CNTN5: variants seen among roughly 807,000 people sequenced by gnomAD.
CNTN5 encodes the protein contactin 5, also known as contactin-5.
CNTN5 carries 77 observed loss-of-function variants against 129.1 expected under a neutral mutation model. That is an observed-to-expected ratio of 0.60 (90% confidence interval 0.50 to 0.72). The LOEUF is 0.72. Ranked by LOEUF, CNTN5 falls within the 30% of genes least tolerant of loss-of-function variation. The pLI is 0.00. For synonymous variants in CNTN5, 509 were observed against 465.6 expected, an observed-to-expected ratio of 1.09 and a Z score of -1.20; for missense variants, 1,478 against 1,328.8, an observed-to-expected ratio of 1.11 and a Z score of -1.75.
chr11:100,071,268 A>AAAGGGATTG (rs1295733791), intron 11 of CNTN5, among the ~76,000 whole-genome samples: 1 of 152,098 alleles, frequency 6.6e-6, no homozygotes, highest in East Asian at 1.9e-4. Context: ...TCCATATAGT[A>AAAGGGATTG]AAGGGATTGT....
intron 2 of CNTN5, among the ~76,000 whole-genome samples, chr11:99,471,753 C>T (rs1945183506): frequency 6.6e-6 from 1 of 151,902 alleles, no homozygotes; most frequent in South Asian, 2.1e-4. Context: ...TTGTGTTCTT[C>T]AATAGCATTT....
intron 2 of CNTN5, among the ~76,000 whole-genome samples, chr11:99,345,854 G>A (rs1368124181): frequency 2.0e-5 from 3 of 152,002 alleles, no homozygotes; most frequent in Non-Finnish European, 4.4e-5. Context: ...ATTAAAAATT[G>A]ATTGTATTTT....
intron 9 of CNTN5, among the ~76,000 whole-genome samples, chr11:100,038,494 C>T (rs1229262024): frequency 6.6e-6 from 1 of 152,160 alleles, no homozygotes; most frequent in Non-Finnish European, 1.5e-5. Flanking sequence ...CTGCTTGGTG[C>T]AGAGCTGAGT....
intron 1 of CNTN5, among the ~76,000 whole-genome samples, chr11:99,149,410 G>T (rs1476592465): frequency 3.9e-5 from 6 of 152,186 alleles, no homozygotes; most frequent in Non-Finnish European, 7.4e-5. Context: ...TCAAAGAAAA[G>T]AATCTTTATA....
intron 3 of CNTN5, among the ~76,000 whole-genome samples, chr11:99,753,828 C>T (rs531804792): frequency 3.4e-4 from 51 of 150,800 alleles, no homozygotes; most frequent in African/African-American, 1.2e-3. Context: ...GCTGGGATTA[C>T]AGGTGTGTGC....
intron 4 of CNTN5, among the ~76,000 whole-genome samples, chr11:99,835,587 A>G (rs769625036): frequency 7.2e-5 from 11 of 152,216 alleles, no homozygotes; most frequent in Non-Finnish European, 1.5e-4. Flanking sequence ...CAGCACCCAT[A>G]CAACATAAAT....
intron 2 of CNTN5, among the ~76,000 whole-genome samples, chr11:99,491,881 A>C (rs1178065121): frequency 6.6e-6 from 1 of 152,164 alleles, no homozygotes; most frequent in Non-Finnish European, 1.5e-5. Context: ...TGGTGGTGCA[A>C]GTAGGAATCA....
At chr11:99,890,054 T>C (rs1272686527) in intron 6 of CNTN5, among the ~76,000 whole-genome samples, 2 of 152,226 alleles carry the variant, frequency 1.3e-5, no homozygotes, top group Admixed American at 6.5e-5. Flanking sequence ...TTATTTGTCA[T>C]GGACCAAATA....
intron 13 of CNTN5, among the ~76,000 whole-genome samples, chr11:100,153,773 A>G (rs1030583692): frequency 2.6e-5 from 4 of 152,088 alleles, no homozygotes; most frequent in African/African-American, 9.7e-5. Flanking sequence ...AGAAGCTAAC[A>G]AATAATTTGA....
intron 1 of CNTN5, among the ~76,000 whole-genome samples, chr11:99,058,900 C>T (rs1188064049): frequency 1.3e-5 from 2 of 150,670 alleles, no homozygotes; most frequent in African/African-American, 4.9e-5. Context: ...GAAAGGGAAA[C>T]TGATGGTGGG....
intron 8 of CNTN5, among the ~76,000 whole-genome samples, chr11:99,981,138 T>G (rs1938325127): frequency 8.0e-6 from 1 of 124,750 alleles, no homozygotes; most frequent in African/African-American, 2.8e-5. Context: ...GAGAATTGAT[T>G]AGGGAAATTG....
intron 1 of CNTN5, among the ~76,000 whole-genome samples, chr11:99,145,682 T>C (rs1206445023): frequency 3.3e-5 from 5 of 152,130 alleles, no homozygotes; most frequent in Non-Finnish European, 7.4e-5. Flanking sequence ...TTTTAGTAGG[T>C]AAAAGACATG....
chr11:99,681,746 T>C (rs2134718689), intron 3 of CNTN5, among the ~76,000 whole-genome samples: 1 of 152,160 alleles, frequency 6.6e-6, no homozygotes, highest in South Asian at 2.1e-4. Flanking sequence ...TATAATTTAA[T>C]AAAGCTTTCT....
chr11:99,504,095 T>A lies in CNTN5; in HGVS notation c.-70-52050T>A, dbSNP rs145887885. On this transcript the variant is annotated intron_variant, in intron 2 of 24. Coordinates refer to ENST00000524871, the MANE Select transcript of CNTN5 (RefSeq NM_014361.4). ...ATGTATTTGAATTATAAATCTGTGG[T>A]GAACAGGGGCTGCACAGATTTAAGG... Among the ~76,000 whole-genome samples the A allele has an allele frequency of 1.2e-3, 177 of 152,338 alleles. 1 individual carries two copies. The highest frequency in any genetic ancestry group is 1.8e-3 in the African/African-American group (76 of 41,574).
intron 2 of CNTN5, among the ~76,000 whole-genome samples, chr11:99,509,128 A>T (rs2135405682): frequency 6.6e-6 from 1 of 152,358 alleles, no homozygotes; most frequent in Admixed American, 6.5e-5. Context: ...TTGAATATAA[A>T]TCATCATGTT....
At chr11:99,097,895 A>T (rs1403309637) in intron 1 of CNTN5, among the ~76,000 whole-genome samples, 1 of 152,040 alleles carries the variant, frequency 6.6e-6, no homozygotes, top group South Asian at 2.1e-4. Context: ...AAGTGGTGAG[A>T]TAAGGAAGTA....
At chr11:100,090,427 G>GCCTT (rs202075446) in intron 13 of CNTN5, among the ~76,000 whole-genome samples, 20,128 of 148,400 alleles carry the variant, frequency 0.14, 1,649 homozygotes, top group East Asian at 0.3. Flanking sequence ...TTTTCTGCCT[G>GCCTT]CCTGCCTTCC....
intron 1 of CNTN5, among the ~76,000 whole-genome samples, chr11:99,083,388 A>T (rs1409462130): frequency 2.0e-5 from 3 of 152,204 alleles, no homozygotes; most frequent in Non-Finnish European, 4.4e-5. Context: ...GTCCTTTGGT[A>T]TCAGGTGGCA....
chr11:100,104,975 A>G (rs1448515788), intron 13 of CNTN5, among the ~76,000 whole-genome samples: 5 of 152,330 alleles, frequency 3.3e-5, no homozygotes, highest in African/African-American at 7.2e-5. Context: ...TCATTAGGCA[A>G]TAAGAAGCAG....
Sources: gnomAD v4.1 joint callset for allele counts (sites outside exome capture counted in the v4.1 genomes callset) on GRCh38, gnomAD v4.1.1 for gene constraint, MANE v1.5 for transcripts, NCBI Gene and HGNC (gene_info 2026-07-23, HGNC 2026-07-21) for gene names.